RAP1GDS1: variants seen among roughly 807,000 people sequenced by gnomAD.
RAP1GDS1 encodes the protein Rap1 GTPase-GDP dissociation stimulator 1.
Under a neutral mutation model 71.1 loss-of-function variants are expected in RAP1GDS1, and 35 were observed. The ratio of observed to expected loss-of-function variants is 0.49; its 90% confidence interval spans 0.38 to 0.65. The LOEUF (loss-of-function observed/expected upper bound fraction) is 0.65. RAP1GDS1 is among the 30% of genes least tolerant of loss of function. RAP1GDS1 has a pLI of 0.00. For synonymous variants in RAP1GDS1, 229 were observed against 243.1 expected (o/e 0.94, Z 0.54); for missense variants, 663 against 706.1 (o/e 0.94, Z 0.69).
At chr4:98,321,744 T>C (rs1731949457) in intron 2 of RAP1GDS1, among the ~76,000 whole-genome samples, 2 of 115,008 alleles carry the variant, frequency 1.7e-5, no homozygotes, top group South Asian at 7.2e-4. Context: ...CCACCAGGCC[T>C]GCCCTAAAAG....
At chr4:98,293,054 T>C (rs1263434252) in intron 1 of RAP1GDS1, among the ~76,000 whole-genome samples, 1 of 152,170 alleles carries the variant, frequency 6.6e-6, no homozygotes, top group Non-Finnish European at 1.5e-5. Context: ...AAATAAAATG[T>C]TTGTAAAACT....
chr4:98,379,193 C>T, intron 5 of RAP1GDS1, 30 bp downstream of exon 5: 2 of 1,520,510 alleles, frequency 1.3e-6, no homozygotes, highest in Non-Finnish European at 1.8e-6. Context: ...TGCTTTATCT[C>T]TGGGGGAAAA....
chr4:98,321,562 C>G (rs1186259789), intron 2 of RAP1GDS1, among the ~76,000 whole-genome samples: 2 of 151,110 alleles, frequency 1.3e-5, no homozygotes, highest in Non-Finnish European at 2.9e-5. Flanking sequence ...ATCAGACTAA[C>G]AGCGGATCTC....
intron 1 of RAP1GDS1, among the ~76,000 whole-genome samples, chr4:98,292,916 A>G (rs1241673781): frequency 6.6e-6 from 1 of 152,182 alleles, no homozygotes; most frequent in Non-Finnish European, 1.5e-5. Flanking sequence ...GATGTGAAGT[A>G]TTTTTGAAAT....
intron 2 of RAP1GDS1, among the ~76,000 whole-genome samples, chr4:98,303,690 G>T (rs767534646): frequency 1.3e-5 from 2 of 149,454 alleles, no homozygotes; most frequent in East Asian, 2.0e-4. Context: ...TATAGGAAGA[G>T]AACTTTTTAA....
At chr4:98,318,395 C>G (rs1731258983) in intron 2 of RAP1GDS1, among the ~76,000 whole-genome samples, 1 of 152,046 alleles carries the variant, frequency 6.6e-6, no homozygotes, top group African/African-American at 2.4e-5. Flanking sequence ...AAATTAGGCA[C>G]AGTTAAAAGA....
chr4:98,286,611 G>A (rs777332963), intron 1 of RAP1GDS1, among the ~76,000 whole-genome samples: 3 of 152,010 alleles, frequency 2.0e-5, no homozygotes, highest in East Asian at 1.9e-4. Flanking sequence ...GAGGCCAGGC[G>A]CGGTGGCTAA....
intron 2 of RAP1GDS1, among the ~76,000 whole-genome samples, chr4:98,313,859 GAA>G (rs968312037): frequency 1.7e-4 from 26 of 152,078 alleles, no homozygotes; most frequent in African/African-American, 5.5e-4. Flanking sequence ...GAAAAAGTAA[GAA>G]TCACGATCAT....
chr4:98,362,631 A>T (rs1026073604), intron 4 of RAP1GDS1, among the ~76,000 whole-genome samples: 1 of 152,214 alleles, frequency 6.6e-6, no homozygotes, highest in African/African-American at 2.4e-5. Flanking sequence ...CCAGTATTTC[A>T]GACTTAGAAA....
intron 1 of RAP1GDS1, among the ~76,000 whole-genome samples, chr4:98,289,751 A>G (rs1306037871): frequency 6.6e-6 from 1 of 152,114 alleles, no homozygotes; most frequent in Non-Finnish European, 1.5e-5. Context: ...TAAGTAAAAC[A>G]TAATATTCAA....
chr4:98,437,347 A>G (rs1374021183), intron 14 of RAP1GDS1, among the ~76,000 whole-genome samples: 2 of 152,234 alleles, frequency 1.3e-5, no homozygotes, highest in Non-Finnish European at 2.9e-5. Context: ...CACTGAAGAC[A>G]TTCCCAAAAG....
chr4:98,420,353 T>TA (rs1215350136), intron 11 of RAP1GDS1, among the ~76,000 whole-genome samples: 1 of 150,182 alleles, frequency 6.7e-6, no homozygotes, highest in Non-Finnish European at 1.5e-5. Context: ...TTTATTTATT[T>TA]ATTTATTTAT....
intron 2 of RAP1GDS1, chr4:98,296,830 A>G: frequency 3.1e-6 from 1 of 322,708 alleles, no homozygotes; most frequent in South Asian, 2.5e-5. Flanking sequence ...TGCAAGAGAA[A>G]CTATTAGTTT....
chr4:98,324,612 C>T (rs866152102), intron 2 of RAP1GDS1, among the ~76,000 whole-genome samples: 10 of 144,942 alleles, frequency 6.9e-5, no homozygotes, highest in Non-Finnish European at 1.0e-4. Context: ...TCAGAAATAA[C>T]GCCGCATACC....
In RAP1GDS1 at chr4:98,400,496, CAT is replaced by C. The variant is rs939949144; in HGVS notation, c.638-3980_638-3979del. Among the ~76,000 whole-genome samples, 3 of 134,452 alleles carry C rather than the reference CAT, an allele frequency of 2.2e-5. No homozygotes were observed. The Admixed American group carries it at 2.4e-4, about 11-fold the overall frequency. The allele number at this position is 134,452 out of a possible 152,430, so 88.2% of individuals were successfully genotyped here. A position where few individuals can be genotyped will look rare whatever the true frequency, so the allele number is the denominator to read the frequency against. ...AAGTTAAACACTGTATGTTCTCACA[CAT>C]GTGGAAGCTTAAAGTTGATTTTATA... On this transcript the variant is annotated intron_variant, in intron 6 of 14. Transcript: ENST00000408927.
intron 2 of RAP1GDS1, among the ~76,000 whole-genome samples, chr4:98,297,569 A>T (rs1210193243): frequency 2.0e-5 from 3 of 152,052 alleles, no homozygotes; most frequent in African/African-American, 2.4e-5. Flanking sequence ...TACTATTGTG[A>T]TTGTTTTGGG....
At chr4:98,267,752 A>G (rs889635045) in intron 1 of RAP1GDS1, among the ~76,000 whole-genome samples, 1 of 152,072 alleles carries the variant, frequency 6.6e-6, no homozygotes, top group African/African-American at 2.4e-5. Context: ...CACTATTGAT[A>G]GGCACCTGGG....
At position 98,352,529 on chromosome 4, in the gene RAP1GDS1, C is replaced by G. The variant is rs375732186; in HGVS notation, c.289C>G (p.Leu97Val). 12 of 1,613,864 alleles carry G rather than the reference C, an allele frequency of 7.4e-6. No individual in the cohort carries two copies. Among genetic ancestry groups the G allele is most frequent in the African/African-American group, 1.3e-5 (1 of 74,900 alleles). The change falls in exon 4 of 15, where the codon CTG becomes GTG. Residue 97 changes from leucine (L) to valine (V), a missense_variant. Leu to Val is a conservative substitution (Grantham distance 32). Transcript: ENST00000408927. Reference protein sequence around the residue: ...DAGLISPLVQLLNSKDQEVLL... With the variant: ...DAGLISPLVQVLNSKDQEVLL... ...TGGATTGATTTCACCACTGGTGCAG[C>G]TGCTAAATAGCAAAGACCAGGAAGT...
At chr4:98,438,590 C>CTTTTTTTT (rs1185496995) in intron 14 of RAP1GDS1, among the ~76,000 whole-genome samples, 1 of 62,572 alleles carries the variant, frequency 1.6e-5, no homozygotes, top group African/African-American at 7.9e-5. Flanking sequence ...ATATATATAT[C>CTTTTTTTT]TTTTTTTTTT....
Sources: gnomAD v4.1 joint callset for allele counts (sites outside exome capture counted in the v4.1 genomes callset) on GRCh38, gnomAD v4.1.1 for gene constraint, MANE v1.5 for transcripts, NCBI Gene and HGNC (gene_info 2026-07-23, HGNC 2026-07-21) for gene names.